The following HCRTR2 variants were observed in gnomAD, a reference collection of about 807,000 sequenced individuals.
HCRTR2 encodes hypocretin receptor 2.
Under a neutral mutation model 49.0 loss-of-function variants are expected in HCRTR2, and 22 were observed. That is an observed-to-expected ratio of 0.45 (90% CI 0.32 to 0.64). HCRTR2 has a LOEUF of 0.64. HCRTR2 is among the 30% of genes least tolerant of loss of function. The pLI is 0.04. For missense variants in HCRTR2, 491 were observed against 559.4 expected, an observed-to-expected ratio of 0.88 and a Z score of 1.23; for synonymous variants, 236 against 205.3, an observed-to-expected ratio of 1.15 and a Z score of -1.28.
At chr6:55,249,176 A>G (rs1766503434) in intron 2 of HCRTR2, among the ~76,000 whole-genome samples, 2 of 152,156 alleles carry the variant, frequency 1.3e-5, no homozygotes, top group Non-Finnish European at 2.9e-5. Context: ...GTTAAATAAG[A>G]AACTTGAACC....
At position 55,154,001 on chromosome 6, in the gene HCRTR2, T is replaced by C. The variant is rs1355828092; in HGVS notation, c.-377-20210T>C. Among the ~76,000 whole-genome samples, 6 of 151,812 alleles carry C rather than the reference T, an allele frequency of 4.0e-5. No homozygotes were observed. In the East Asian group the frequency reaches 7.7e-4, roughly 20 times the overall value. ...CATAAGGTACTATTATGAACAACTA[T>C]ACACCAATAAATTGGACAACCTAGA... On this transcript the variant is annotated intron_variant, in intron 1 of 7. Coordinates refer to the HCRTR2 transcript ENST00000615358.
chr6:55,171,691 C>T (rs566096823), upstream of HCRTR2, among the ~76,000 whole-genome samples: 15 of 152,218 alleles, frequency 9.9e-5, no homozygotes, highest in African/African-American at 2.9e-4. Flanking sequence ...ATAAATACAG[C>T]TTGTCATAAA....
At chr6:55,189,501 A>G (rs1376912424) in intron 1 of HCRTR2, among the ~76,000 whole-genome samples, 1 of 152,202 alleles carries the variant, frequency 6.6e-6, no homozygotes, top group Non-Finnish European at 1.5e-5. Context: ...TTTCTGCCAA[A>G]GAAAGTACAG....
At chr6:55,128,977 C>T (rs1183740659) in intron 1 of HCRTR2, among the ~76,000 whole-genome samples, 1 of 152,122 alleles carries the variant, frequency 6.6e-6, no homozygotes, top group African/African-American at 2.4e-5. Context: ...CAGAAGACTT[C>T]TCATTCTTGA....
At position 55,156,767 on chromosome 6, in the gene HCRTR2, A is replaced by C. The variant is rs190664190; in HGVS notation, c.-377-17444A>C. ...AAACTTAATGAAAATCAACCAGTGC[A>C]ATAAATAATAGTAATTAAAAAAACA... is the stretch of plus-strand genomic sequence containing the variant. On this transcript the variant is annotated intron_variant, in intron 1 of 7. Coordinates refer to the HCRTR2 transcript ENST00000615358. 1.6e-3 allele frequency among the ~76,000 whole-genome samples: 249 copies of C among 152,310 alleles called. 2 individuals carry two copies. The highest frequency in any genetic ancestry group is 5.7e-3 in the African/African-American group (235 of 41,572).
rs1366206357 is a variant in HCRTR2 at position 55,120,262 on chromosome 6, T to A, written c.-378+13717T>A. 7.9e-5 allele frequency among the ~76,000 whole-genome samples: 12 copies of A among 151,784 alleles called. No individual in the cohort carries two copies. In the Admixed American group the frequency reaches 7.9e-4, roughly 10 times the overall value. The stretch of plus-strand genomic sequence containing the variant: ...TTGTCTTGGCTATGTGGGCCCTTTT[T>A]TGGTTCCATATTTTTTCCAATTCTG... On this transcript the variant is annotated intron_variant, in intron 1 of 7. Coordinates refer to the HCRTR2 transcript ENST00000615358.
At chr6:55,111,786 C>A (rs900796165) in intron 1 of HCRTR2, among the ~76,000 whole-genome samples, 6 of 152,008 alleles carry the variant, frequency 3.9e-5, no homozygotes, top group Non-Finnish European at 7.4e-5. Flanking sequence ...CTCCCTAAAT[C>A]ATTCTATGAA....
chr6:55,211,990 G>A (rs1477489883), intron 1 of HCRTR2, among the ~76,000 whole-genome samples: 1 of 152,146 alleles, frequency 6.6e-6, no homozygotes, highest in Non-Finnish European at 1.5e-5. Context: ...TTCTCTAAAA[G>A]TGGGCTTCTC....
At chr6:55,214,142 AGAT>A (rs1326263628) in intron 1 of HCRTR2, among the ~76,000 whole-genome samples, 12 of 152,306 alleles carry the variant, frequency 7.9e-5, no homozygotes, top group Admixed American at 2.6e-4. Flanking sequence ...AGGGAGGAAG[AGAT>A]TACAAGCTCC....
At chr6:55,170,252 G>C (rs1348154001), upstream of HCRTR2, among the ~76,000 whole-genome samples, 1 of 147,912 alleles carries the variant, frequency 6.8e-6, no homozygotes, top group African/African-American at 2.5e-5. Flanking sequence ...TATTTATTTT[G>C]TATATATAAA....
At position 55,179,067 on chromosome 6, in the gene HCRTR2, T is replaced by C. The variant is rs546783939; in HGVS notation, c.223+4257T>C. Reference sequence around the variant, plus strand: ...AATAACAGTTTACCCAAGTTAGGTGTGTGGAATGGGGAAATATTTGTAATA... The same window carrying C: ...AATAACAGTTTACCCAAGTTAGGTGCGTGGAATGGGGAAATATTTGTAATA... On this transcript the variant is annotated intron_variant, in intron 1 of 6. Transcript: ENST00000370862. Among the ~76,000 whole-genome samples, 301 of 152,266 alleles carry C rather than the reference T, an allele frequency of 2.0e-3. 3 individuals are homozygous for C. The highest frequency in any genetic ancestry group is 3.4e-3 in the Non-Finnish European group (234 of 68,004).
intron 1 of HCRTR2, among the ~76,000 whole-genome samples, chr6:55,217,903 T>C (rs574649808): frequency 6.6e-6 from 1 of 152,282 alleles, no homozygotes; most frequent in Non-Finnish European, 1.5e-5. Context: ...CCAAAGCCTG[T>C]ATTAGGGTTC....
chr6:55,180,841 C>A (rs1014677698), intron 1 of HCRTR2, among the ~76,000 whole-genome samples: 2 of 151,818 alleles, frequency 1.3e-5, no homozygotes, highest in Non-Finnish European at 2.9e-5. Context: ...GCTCTGTCAC[C>A]CAGACTGGGG....
intron 1 of HCRTR2, among the ~76,000 whole-genome samples, chr6:55,122,724 C>G (rs1031222635): frequency 2.0e-5 from 3 of 151,968 alleles, no homozygotes; most frequent in African/African-American, 7.2e-5. Context: ...ACCTAAATGT[C>G]CAACAATGAT....
chr6:55,240,687 T>TG, intron 1 of HCRTR2: 1 of 291,648 alleles, frequency 3.4e-6, no homozygotes, highest in Non-Finnish European at 7.0e-6. Flanking sequence ...CCTCAGGATT[T>TG]GGTGGAGAGT....
At chr6:55,119,902 A>G (rs995943295) in intron 1 of HCRTR2, among the ~76,000 whole-genome samples, 3 of 151,994 alleles carry the variant, frequency 2.0e-5, no homozygotes, top group African/African-American at 7.2e-5. Flanking sequence ...TTATGGTTTT[A>G]GGTCTTACGT....
intron 1 of HCRTR2, among the ~76,000 whole-genome samples, chr6:55,119,295 C>T (rs1394359050): frequency 6.6e-6 from 1 of 151,796 alleles, no homozygotes; most frequent in African/African-American, 2.4e-5. Context: ...GGGTATATAC[C>T]CGCTAATGGG....
At chr6:55,184,814 G>A (rs1429559204) in intron 1 of HCRTR2, among the ~76,000 whole-genome samples, 1 of 152,110 alleles carries the variant, frequency 6.6e-6, no homozygotes, top group Non-Finnish European at 1.5e-5. Context: ...ACTCTAAAAT[G>A]AATTTATAAG....
intron 4 of HCRTR2, among the ~76,000 whole-genome samples, chr6:55,275,731 C>T (rs1015606021): frequency 6.6e-6 from 1 of 151,942 alleles, no homozygotes; most frequent in Non-Finnish European, 1.5e-5. Flanking sequence ...CTGCCTCAGC[C>T]TCCTGAGTAG....
Sources: allele counts gnomAD v4.1 joint callset (sites outside exome capture counted in the v4.1 genomes callset), GRCh38; gene constraint gnomAD v4.1.1; transcripts MANE v1.5; gene names NCBI Gene and HGNC (gene_info 2026-07-23, HGNC 2026-07-21).